The following TMEM117 variants were observed in gnomAD, a reference collection of about 807,000 sequenced individuals.
TMEM117 encodes transmembrane protein 117.
In TMEM117, 27 loss-of-function variants were observed where a neutral mutation model predicts 52.4. That is an observed-to-expected ratio of 0.51 (90% CI 0.38 to 0.71). The LOEUF is 0.71. TMEM117 is among the 30% of genes least tolerant of loss of function. The pLI is 0.00. For synonymous variants in TMEM117, 215 were observed against 206.3 expected (o/e 1.04, Z -0.36); for missense variants, 556 against 630.5 (o/e 0.88, Z 1.26).
intron 3 of TMEM117, among the ~76,000 whole-genome samples, chr12:43,961,542 G>A (rs942549643): frequency 2.0e-5 from 3 of 152,156 alleles, no homozygotes; most frequent in Admixed American, 2.0e-4. Flanking sequence ...CTTTATGAAT[G>A]TAAAGCAGTT....
chr12:43,987,008 C>A (rs767663569), intron 3 of TMEM117, among the ~76,000 whole-genome samples: 37 of 152,110 alleles, frequency 2.4e-4, no homozygotes, highest in Non-Finnish European at 3.5e-4. Flanking sequence ...CTCCCAAATT[C>A]TTTCGTTGAA....
intron 3 of TMEM117, among the ~76,000 whole-genome samples, chr12:43,989,098 T>G (rs913616084): frequency 5.3e-5 from 8 of 152,126 alleles, no homozygotes; most frequent in Admixed American, 2.0e-4. Context: ...GTGGTACCAG[T>G]ATGAGGCATT....
intron 3 of TMEM117, among the ~76,000 whole-genome samples, chr12:44,042,128 T>C (rs1270314490): frequency 2.0e-5 from 3 of 152,234 alleles, no homozygotes; most frequent in Admixed American, 2.0e-4. Flanking sequence ...ATAGATCTGA[T>C]GTACAACTTC....
chr12:44,002,410 C>T (rs746922661), intron 3 of TMEM117, among the ~76,000 whole-genome samples: 1 of 152,086 alleles, frequency 6.6e-6, no homozygotes, highest in Non-Finnish European at 1.5e-5. Context: ...CAGAGTCCCT[C>T]TGAAGTGTCT....
At position 44,094,523 on chromosome 12, in the gene TMEM117, A is replaced by C. The variant is rs191983497; in HGVS notation, c.411-49002A>C. On this transcript the variant is annotated intron_variant, in intron 3 of 7. Transcript: ENST00000266534. Reference sequence around the variant, plus strand: ...GTAATGAAAGAAATGCATTAGTGAAAAGTATTAAAAAATTACCTTTGACAT... The same window carrying C: ...GTAATGAAAGAAATGCATTAGTGAACAGTATTAAAAAATTACCTTTGACAT... Among the ~76,000 whole-genome samples, 559 of 152,238 alleles carry C rather than the reference A, an allele frequency of 3.7e-3. 4 individuals carry two copies. The highest frequency in any genetic ancestry group is 0.013 in the African/African-American group (541 of 41,558).
At chr12:44,336,384 G>A (rs1951340645) in intron 6 of TMEM117, among the ~76,000 whole-genome samples, 1 of 151,998 alleles carries the variant, frequency 6.6e-6, no homozygotes, top group African/African-American at 2.4e-5. Context: ...CCACTATTAT[G>A]CGTGTATTTC....
the TMEM117 span, chr12:43,802,269 A>G: frequency 2.7e-6 from 4 of 1,491,084 alleles, no homozygotes; most frequent in Admixed American, 1.0e-4. Context: ...TAAACAAACT[A>G]TAAAAAAGTT....
At chr12:44,311,520 G>T (rs17094421) in intron 6 of TMEM117, among the ~76,000 whole-genome samples, 7,263 of 151,758 alleles carry the variant, frequency 0.048, 356 homozygotes, top group African/African-American at 0.12. Context: ...AGGAACCTAG[G>T]TGAGTATTCC....
At chr12:44,086,520 T>G (rs958654960) in intron 3 of TMEM117, among the ~76,000 whole-genome samples, 5 of 152,074 alleles carry the variant, frequency 3.3e-5, no homozygotes, top group Non-Finnish European at 7.4e-5. Flanking sequence ...CGGCCACAAC[T>G]CTTGATTCCT....
At chr12:44,228,222 G>A (rs1415126349) in intron 5 of TMEM117, among the ~76,000 whole-genome samples, 1 of 152,054 alleles carries the variant, frequency 6.6e-6, no homozygotes, top group Admixed American at 6.6e-5. Context: ...GACCAATTAG[G>A]AAAGAGGGCA....
At chr12:44,309,589 A>G (rs572624261) in intron 6 of TMEM117, among the ~76,000 whole-genome samples, 70 of 152,246 alleles carry the variant, frequency 4.6e-4, no homozygotes, top group African/African-American at 1.5e-3. Context: ...AAAGGCCAAC[A>G]TTCATTGAGC....
At chr12:44,395,098 G>A in the TMEM117 span, among the ~76,000 whole-genome samples, 7 of 152,124 alleles carry the variant, frequency 4.6e-5, no homozygotes, top group South Asian at 4.1e-4. Flanking sequence ...AAGATGAGAC[G>A]AAGAGCAATG....
chr12:43,946,827 G>C (rs1275120804), intron 3 of TMEM117, among the ~76,000 whole-genome samples: 1 of 152,140 alleles, frequency 6.6e-6, no homozygotes, highest in Admixed American at 6.6e-5. Flanking sequence ...AGAATAGTTA[G>C]CCTAGAATTT....
chr12:43,854,857 G>A (rs1030810399), intron 2 of TMEM117, among the ~76,000 whole-genome samples: 2 of 152,006 alleles, frequency 1.3e-5, no homozygotes, highest in Non-Finnish European at 2.9e-5. Context: ...GGTTGGTCTC[G>A]AACTCCTGAC....
intron 6 of TMEM117, among the ~76,000 whole-genome samples, chr12:44,325,865 C>T (rs1394721900): frequency 6.6e-6 from 1 of 152,140 alleles, no homozygotes; most frequent in Non-Finnish European, 1.5e-5. Flanking sequence ...CAGGATAGAA[C>T]TCTGGCATGT....
At chr12:44,240,232 T>C (rs1950045010) in intron 5 of TMEM117, among the ~76,000 whole-genome samples, 1 of 152,136 alleles carries the variant, frequency 6.6e-6, no homozygotes, top group South Asian at 2.1e-4. Flanking sequence ...CATTCTAATT[T>C]ATGGGTCACA....
chr12:44,150,138 C>A (rs1397846264), intron 4 of TMEM117, among the ~76,000 whole-genome samples: 1 of 152,116 alleles, frequency 6.6e-6, no homozygotes, highest in Non-Finnish European at 1.5e-5. Context: ...TGTTCCATTT[C>A]ATTACTTATA....
chr12:43,990,342 A>G (rs1945917908), intron 3 of TMEM117, among the ~76,000 whole-genome samples: 1 of 152,180 alleles, frequency 6.6e-6, no homozygotes, highest in Non-Finnish European at 1.5e-5. Context: ...TTATTATCCA[A>G]AAATGACTTT....
chr12:44,209,392 A>G (rs906774096), intron 4 of TMEM117, among the ~76,000 whole-genome samples: 1 of 152,176 alleles, frequency 6.6e-6, no homozygotes, highest in African/African-American at 2.4e-5. Context: ...GTGAGAAAAT[A>G]TAATCCTGTA....
Sources: allele counts gnomAD v4.1 joint callset (sites outside exome capture counted in the v4.1 genomes callset), GRCh38; gene constraint gnomAD v4.1.1; transcripts MANE v1.5; gene names NCBI Gene and HGNC (gene_info 2026-07-23, HGNC 2026-07-21).